PHACTR3: variants seen among roughly 807,000 people sequenced by gnomAD.
PHACTR3 encodes the protein phosphatase and actin regulator 3.
In PHACTR3, 16 loss-of-function variants were observed where a neutral mutation model predicts 66.8. That is an observed-to-expected ratio of 0.24 (90% CI 0.16 to 0.36). The LOEUF (loss-of-function observed/expected upper bound fraction) is 0.36. Among genes scored for constraint, PHACTR3 ranks in the 10% least tolerant of loss-of-function variants. PHACTR3 has a pLI of 1.00. For synonymous variants in PHACTR3, 323 were observed against 292.1 expected (o/e 1.11, Z -1.08); for missense variants, 647 against 719.9 (o/e 0.90, Z 1.16).
At chr20:59,681,529 A>G (rs986972216) in intron 1 of PHACTR3, among the ~76,000 whole-genome samples, 5 of 152,268 alleles carry the variant, frequency 3.3e-5, no homozygotes, top group African/African-American at 1.2e-4. Context: ...TCAAATGGGT[A>G]GATGACACAA....
At chr20:59,660,322 G>A (rs566292138) in intron 1 of PHACTR3, among the ~76,000 whole-genome samples, 10 of 152,252 alleles carry the variant, frequency 6.6e-5, no homozygotes, top group South Asian at 2.1e-4. Context: ...GTGAAACCCC[G>A]TCTCTACTAA....
At chr20:59,588,815 G>A (rs1361825741) in intron 1 of PHACTR3, among the ~76,000 whole-genome samples, 3 of 152,178 alleles carry the variant, frequency 2.0e-5, no homozygotes, top group Non-Finnish European at 4.4e-5. Context: ...AGACTCAAAT[G>A]ATCAAATATA....
At chr20:59,813,538 G>A (rs981595672) in intron 8 of PHACTR3, among the ~76,000 whole-genome samples, 1 of 152,214 alleles carries the variant, frequency 6.6e-6, no homozygotes, top group African/African-American at 2.4e-5. Context: ...AGGCGCTGGG[G>A]TGCAGAGATG....
intron 8 of PHACTR3, among the ~76,000 whole-genome samples, chr20:59,809,769 A>T (rs2041678818): frequency 1.3e-5 from 2 of 152,156 alleles, no homozygotes; most frequent in African/African-American, 4.8e-5. Flanking sequence ...ACCCCTACTC[A>T]GTTCAGGCGC....
At chr20:59,662,057 C>G (rs935373300) in intron 1 of PHACTR3, among the ~76,000 whole-genome samples, 3 of 152,184 alleles carry the variant, frequency 2.0e-5, no homozygotes, top group Non-Finnish European at 2.9e-5. Context: ...TTGAAGGGCA[C>G]TCTTTGTGCA....
At chr20:59,810,158 T>A (rs527389714) in intron 8 of PHACTR3, among the ~76,000 whole-genome samples, 35 of 152,278 alleles carry the variant, frequency 2.3e-4, no homozygotes, top group African/African-American at 7.7e-4. Flanking sequence ...ATGGTGGGGC[T>A]TGGAATGAGA....
At chr20:59,692,075 G>A (rs1046437624) in intron 1 of PHACTR3, among the ~76,000 whole-genome samples, 3 of 152,176 alleles carry the variant, frequency 2.0e-5, no homozygotes, top group South Asian at 2.1e-4. Context: ...GAGACAGGAC[G>A]CAATGTAGCC....
intron 1 of PHACTR3, among the ~76,000 whole-genome samples, chr20:59,596,251 T>C (rs2033323997): frequency 6.6e-6 from 1 of 152,214 alleles, no homozygotes; most frequent in Non-Finnish European, 1.5e-5. Flanking sequence ...TTCTCCTGGC[T>C]CAGTCTCCCA....
intron 7 of PHACTR3, among the ~76,000 whole-genome samples, chr20:59,783,356 C>T (rs2040794382): frequency 6.6e-6 from 1 of 152,162 alleles, no homozygotes; most frequent in African/African-American, 2.4e-5. Context: ...TGGCTGAGCA[C>T]CAAGCAGCAG....
At chr20:59,836,688 C>A in intron 9 of PHACTR3, 128 bp downstream of exon 9, 1 of 856,810 alleles carries the variant, frequency 1.2e-6, no homozygotes, top group Non-Finnish European at 1.8e-6. Flanking sequence ...TAAACCTGAG[C>A]TGCTGCTGAA....
At chr20:59,668,192 G>A (rs757531642) in intron 1 of PHACTR3, among the ~76,000 whole-genome samples, 19 of 147,478 alleles carry the variant, frequency 1.3e-4, no homozygotes, top group African/African-American at 4.5e-4. Flanking sequence ...GGGCACGTAC[G>A]CCTGTACAGG....
At chr20:59,716,269 C>T (rs568766308) in intron 1 of PHACTR3, among the ~76,000 whole-genome samples, 2 of 144,606 alleles carry the variant, frequency 1.4e-5, no homozygotes, top group East Asian at 4.2e-4. Flanking sequence ...TGTGTTGTGA[C>T]AGAGTCTCGT....
chr20:59,743,326 G>A, intron 2 of PHACTR3, 58 bp downstream of exon 2: 2 of 1,593,830 alleles, frequency 1.3e-6, no homozygotes, highest in Non-Finnish European at 1.7e-6. Context: ...TCCTTGGCAT[G>A]GTGCTGCGGC....
chr20:59,604,839 G>GC lies in PHACTR3; in HGVS notation c.-172dup. The GC allele has an allele frequency of 8.3e-7, 1 of 1,207,668 alleles. No homozygotes were observed. Among genetic ancestry groups the GC allele is most frequent in the African/African-American group, 1.6e-5 (1 of 62,628 alleles). The allele number at this position is 1,207,668 out of a possible 1,614,324, so 74.8% of individuals were successfully genotyped here. ...CTATTGTCTCCCCGCCCTGAAGCCA[G>GC]CCCCGGCGTCTTTCTCCAGCTCGTT... On this transcript the variant is annotated 5_prime_UTR_variant, in exon 1 of 13. Transcript: ENST00000371015.
intron 4 of PHACTR3, among the ~76,000 whole-genome samples, chr20:59,763,699 G>A (rs1450966441): frequency 6.6e-6 from 1 of 152,216 alleles, no homozygotes; most frequent in Non-Finnish European, 1.5e-5. Context: ...GAGAAGGTTA[G>A]ACAGGGAAGA....
chr20:59,781,923 AG>A (rs2040739475), intron 7 of PHACTR3, among the ~76,000 whole-genome samples: 1 of 152,158 alleles, frequency 6.6e-6, no homozygotes, highest in Non-Finnish European at 1.5e-5. Context: ...ACAAGAGTAA[AG>A]GGACATACGG....
Position 59,677,794 on chromosome 20 carries a change from G to A in PHACTR3, c.119-65313G>A, listed in dbSNP as rs148523040. ...TTACGGAATTATGTGCGTGTATAATGATGGTAACCACATACACAATCGAAG... is the reference window on the plus strand; with the variant it reads ...TTACGGAATTATGTGCGTGTATAATAATGGTAACCACATACACAATCGAAG... On this transcript the variant is annotated intron_variant, in intron 1 of 12. Coordinates refer to ENST00000371015, the MANE Select transcript of PHACTR3 (RefSeq NM_080672.5). 2.4e-4 allele frequency among the ~76,000 whole-genome samples: 36 copies of A among 152,328 alleles called. 1 individual carries two copies. The highest frequency in any genetic ancestry group is 7.9e-4 in the African/African-American group (33 of 41,574).
At chr20:59,671,231 G>C (rs2036187638) in intron 1 of PHACTR3, among the ~76,000 whole-genome samples, 1 of 152,202 alleles carries the variant, frequency 6.6e-6, no homozygotes, top group African/African-American at 2.4e-5. Context: ...CCTTGGCCTG[G>C]GCAAGTGGGG....
intron 1 of PHACTR3, among the ~76,000 whole-genome samples, chr20:59,625,345 G>A (rs951044542): frequency 1.1e-4 from 17 of 151,974 alleles, no homozygotes; most frequent in African/African-American, 4.1e-4. Context: ...GTGGGCACGG[G>A]GTTTGCCCGG....
Sources: gnomAD v4.1 joint callset for allele counts (sites outside exome capture counted in the v4.1 genomes callset) on GRCh38, gnomAD v4.1.1 for gene constraint, MANE v1.5 for transcripts, NCBI Gene and HGNC (gene_info 2026-07-23, HGNC 2026-07-21) for gene names.